The following PNPLA5 variants were observed in gnomAD, a reference collection of about 807,000 sequenced individuals.
PNPLA5 encodes the protein patatin like domain 5, triacylglycerol lipase.
A neutral mutation model predicts 49.1 loss-of-function variants in PNPLA5; 44 were observed. The ratio of observed to expected loss-of-function variants is 0.90; its 90% CI spans 0.70 to 1.15. The LOEUF (loss-of-function observed/expected upper bound fraction) is 1.15, where lower values mean the gene tolerates loss of function less well. Ranked by LOEUF, PNPLA5 falls within the 50% of genes most tolerant of loss-of-function variation. PNPLA5 has a pLI of 0.00. For synonymous variants in PNPLA5, 243 were observed against 244.4 expected (o/e 0.99, Z 0.06); for missense variants, 603 against 564.0 (o/e 1.07, Z -0.70).
Position 43,891,884 on chromosome 22 carries a change from G to A in PNPLA5, c.-4C>T. On this transcript the variant is annotated 5_prime_UTR_variant, in exon 1 of 9. Coordinates refer to ENST00000216177, the MANE Select transcript of PNPLA5 (RefSeq NM_138814.4). ...CCTCCTCCTCTAAGAAGCCCATGGC[G>A]GGTGGACCGGGCGGGGTGATCGGGA... is the stretch of plus-strand genomic sequence containing the variant. 1 of 1,508,946 alleles carries A rather than the reference G, an allele frequency of 6.6e-7. No individual in the cohort carries two copies. The highest frequency in any genetic ancestry group is 1.3e-5 in the South Asian group (1 of 78,144). The allele number at this position is 1,508,946 out of a possible 1,614,324, so 93.5% of individuals were successfully genotyped here.
chr22:43,891,859 C>G lies in PNPLA5; in HGVS notation c.22G>C (p.Gly8Arg). 6.6e-7 allele frequency: 1 copy of G among 1,519,002 alleles called. No individual in the cohort carries two copies. The highest frequency in any genetic ancestry group is 8.8e-7 in the Non-Finnish European group (1 of 1,138,914). 94.1% of individuals were successfully genotyped at this position (1,519,002 alleles called of 1,614,324 possible). A position where few individuals can be genotyped will look rare whatever the true frequency, so the allele number is the denominator to read the frequency against. MGFLEEE[G>R]RWNLSFSGAG... ...CCGGAGAAGGACAGGTTCCATCTGC[C>G]CTCCTCCTCTAAGAAGCCCATGGCG... The change falls in exon 1 of 9, where the codon GGC becomes CGC. Residue 8 changes from glycine to arginine, a missense_variant. Gly to Arg is a moderately radical substitution (Grantham distance 125, BLOSUM62 -2). Transcript: ENST00000216177.
chr22:43,881,722 G>T, intron 7 of PNPLA5, 48 bp from the exon 8 acceptor site: 1 of 1,588,356 alleles, frequency 6.3e-7, no homozygotes, highest in East Asian at 2.3e-5. Context: ...CTGGGGTGTG[G>T]CCCCACCAAG....
chr22:43,886,684 G>C (rs1007672930), intron 5 of PNPLA5, 196 bp from the exon 6 acceptor site: 2 of 879,166 alleles, frequency 2.3e-6, no homozygotes, highest in African/African-American at 3.6e-5. Flanking sequence ...CCACTTTCGA[G>C]TGGCTCATCA....
At position 43,884,350 on chromosome 22, in the gene PNPLA5, A is replaced by G; in HGVS notation, c.950-5T>C. The G allele has an allele frequency of 6.4e-7, 1 of 1,553,688 alleles. No homozygotes were observed. The highest frequency in any genetic ancestry group is 8.7e-7 in the Non-Finnish European group (1 of 1,148,668). On this transcript the variant is annotated splice_region_variant and splice_polypyrimidine_tract_variant and intron_variant, in intron 6 of 8. Transcript: ENST00000216177. ...TCGTACATGCTTTCTTCAGTGCTGC[A>G]AGAGAAGCCCTGGCATGGCCCTGCC...
At chr22:43,884,134 T>G in intron 7 of PNPLA5, 79 bp downstream of exon 7, 1 of 1,197,502 alleles carries the variant, frequency 8.4e-7, no homozygotes, top group Non-Finnish European at 1.1e-6. Flanking sequence ...CCACCCAGTG[T>G]GCCAGCCGCC....
Position 43,881,692 on chromosome 22 carries a change from T to C in PNPLA5, c.1083-18A>G, listed in dbSNP as rs914546427. 2 of 1,612,146 alleles carry C rather than the reference T, an allele frequency of 1.2e-6. No individual in the cohort carries two copies. The highest frequency in any genetic ancestry group is 1.7e-6 in the Non-Finnish European group (2 of 1,179,226). ...CCACCAACCTGGAGGAAGGGGCAGG[T>C]CAGCTTTGCCCAGGTGAGCCTGGGG... On this transcript the variant is annotated intron_variant, in intron 7 of 8. Transcript: ENST00000216177.
In PNPLA5 at chr22:43,887,783, A is replaced by AAGTG. The variant is rs2049681062; in HGVS notation, c.703-133_703-132insCACT. On this transcript the variant is annotated intron_variant, in intron 4 of 8. Coordinates refer to ENST00000216177, the MANE Select transcript of PNPLA5 (RefSeq NM_138814.4). ...GCCTATTCTCCCCAAGTGACCATTC[A>AAGTG]ACAGGGCTCAGGGCAGGAGCCTGGG... 1.1e-5 allele frequency: 16 copies of AAGTG among 1,479,346 alleles called. No homozygotes were observed. In the South Asian group the frequency reaches 1.5e-4, roughly 14 times the overall value. The allele number at this position is 1,479,346 out of a possible 1,614,324, so 91.6% of individuals were successfully genotyped here. A position where few individuals can be genotyped will look rare whatever the true frequency, so the allele number is the denominator to read the frequency against.
chr22:43,889,673 A>G, intron 3 of PNPLA5, 126 bp downstream of exon 3: 1 of 1,513,380 alleles, frequency 6.6e-7, no homozygotes, highest in Non-Finnish European at 8.8e-7. Flanking sequence ...GCCCCCCAGG[A>G]GCAGGGGGAG....
In PNPLA5 at chr22:43,891,099, A is replaced by T; in HGVS notation, c.389T>A (p.Leu130Ter). The T allele has an allele frequency of 6.2e-7, 1 of 1,610,960 alleles. No homozygotes were observed. Among genetic ancestry groups the T allele is most frequent in the Non-Finnish European group, 8.5e-7 (1 of 1,178,634 alleles). ...ATCGCAGGTGGCGAAGTCAGTGACC[A>T]AGAAGTTGCGTCCGTCAGGCCAGCG... ...LTRWPDGRNF[L>*]VTDFATCDEL... The change falls in exon 2 of 9, where the codon TTG becomes TAG. Residue 130 changes from leucine (L) to a stop codon, truncating the protein, a stop_gained. Coordinates refer to ENST00000216177, the MANE Select transcript of PNPLA5 (RefSeq NM_138814.4). LOFTEE classifies it high-confidence loss of function.
chr22:43,881,748 G>A, intron 7 of PNPLA5, 74 bp from the exon 8 acceptor site: 1 of 1,560,252 alleles, frequency 6.4e-7, no homozygotes. Flanking sequence ...CCTCCCCATA[G>A]GCCCAGAGCA....
intron 4 of PNPLA5, among the ~76,000 whole-genome samples, chr22:43,888,956 GTTGCTTAA>G (rs2049694297): frequency 6.6e-6 from 1 of 152,196 alleles, no homozygotes; most frequent in Non-Finnish European, 1.5e-5. Context: ...CTTTGAACAA[GTTGCTTAA>G]CCTCTCTGAA....
At chr22:43,884,938 A>G (rs2049646897) in intron 6 of PNPLA5, among the ~76,000 whole-genome samples, 1 of 152,188 alleles carries the variant, frequency 6.6e-6, no homozygotes, top group African/African-American at 2.4e-5. Context: ...TGCCCTCTGG[A>G]GACGGAGGAT....
chr22:43,883,591 C>T (rs1274098829), intron 7 of PNPLA5, among the ~76,000 whole-genome samples: 2 of 152,142 alleles, frequency 1.3e-5, no homozygotes, highest in African/African-American at 4.8e-5. Context: ...GGGCGGATTG[C>T]CTGAGCTCAG....
chr22:43,891,734 C>T lies in PNPLA5; in HGVS notation c.147G>A (p.Ser49=), dbSNP rs757420821. ...LQGARRIYGS[S]SGALNAVSIV... ...TGCTGACTGCGTTGAGCGCCCCAGA[C>T]GAGGAACCGTAGATGCGGCGGGCGC... Residue 49 remains serine, a synonymous_variant, in exon 1 of 9, where the codon TCG becomes TCA. Coordinates refer to ENST00000216177, the MANE Select transcript of PNPLA5 (RefSeq NM_138814.4). 3.2e-5 allele frequency: 49 copies of T among 1,547,646 alleles called. No homozygotes were observed. The highest frequency in any genetic ancestry group is 9.8e-5 in the East Asian group (4 of 40,654).
intron 6 of PNPLA5, among the ~76,000 whole-genome samples, chr22:43,885,190 A>G (rs1165038099): frequency 2.6e-5 from 4 of 152,206 alleles, no homozygotes; most frequent in Non-Finnish European, 5.9e-5. Context: ...GTGTGGCTAC[A>G]GGTACACTGC....
chr22:43,888,454 A>G (rs1489359534), intron 4 of PNPLA5, among the ~76,000 whole-genome samples: 2 of 40,304 alleles, frequency 5.0e-5, no homozygotes, highest in African/African-American at 2.1e-4. Context: ...TTTTTTTTTG[A>G]GATGGAGTCT....
intron 4 of PNPLA5, 82 bp downstream of exon 4, chr22:43,889,247 G>A: frequency 6.7e-7 from 1 of 1,492,204 alleles, no homozygotes; most frequent in Admixed American, 1.8e-5. Flanking sequence ...GGGGGCAGTG[G>A]GGGTTAGGAG....
At chr22:43,881,716 G>A in intron 7 of PNPLA5, 42 bp from the exon 8 acceptor site, 1 of 1,600,020 alleles carries the variant, frequency 6.2e-7, no homozygotes. Context: ...GTGAGCCTGG[G>A]GTGTGGCCCC....
chr22:43,881,142 A>AC (rs1264709192), intron 8 of PNPLA5, among the ~76,000 whole-genome samples: 1 of 151,118 alleles, frequency 6.6e-6, no homozygotes, highest in Non-Finnish European at 1.5e-5. Context: ...GCCACACAGG[A>AC]CCCCCCAAGT....
Sources: allele counts gnomAD v4.1 joint callset (sites outside exome capture counted in the v4.1 genomes callset), GRCh38; gene constraint gnomAD v4.1.1; transcripts MANE v1.5; gene names NCBI Gene and HGNC (gene_info 2026-07-23, HGNC 2026-07-21).